NEK11: variants seen among roughly 807,000 people sequenced by gnomAD.
NEK11 encodes the protein serine/threonine-protein kinase Nek11.
NEK11 carries 72 observed loss-of-function variants against 80.7 expected under a neutral mutation model. That is an observed-to-expected ratio of 0.89 (90% CI 0.74 to 1.08). NEK11 has a LOEUF of 1.08. Ranked by LOEUF, NEK11 falls within the 50% of genes least tolerant of loss-of-function variation. The probability of loss-of-function intolerance (pLI) is 0.00; values close to 1 mark genes in which losing one functional copy is unlikely to be tolerated. For synonymous variants in NEK11, 251 were observed against 260.7 expected (o/e 0.96, Z 0.36); for missense variants, 764 against 763.6 (o/e 1.00, Z -0.01).
chr3:131,028,137 CGT>C (rs1243481777), intron 2 of NEK11, 135 bp downstream of exon 2: 1 of 152,068 alleles, frequency 6.6e-6, no homozygotes. Flanking sequence ...ATTTTACTAA[CGT>C]GTCTTTGGAA....
chr3:131,133,545 G>A (rs1206969109), intron 6 of NEK11, among the ~76,000 whole-genome samples: 1 of 152,024 alleles, frequency 6.6e-6, no homozygotes, highest in Non-Finnish European at 1.5e-5. Flanking sequence ...ACTTTAAATA[G>A]CTTTTTATAT....
At chr3:131,097,183 T>A (rs1416279171) in intron 4 of NEK11, among the ~76,000 whole-genome samples, 1 of 151,886 alleles carries the variant, frequency 6.6e-6, no homozygotes, top group Admixed American at 6.6e-5. Flanking sequence ...TGAATAGGGC[T>A]GCAATAAACA....
chr3:131,104,703 G>A (rs1281747507), intron 4 of NEK11, among the ~76,000 whole-genome samples: 1 of 152,168 alleles, frequency 6.6e-6, no homozygotes, highest in Non-Finnish European at 1.5e-5. Flanking sequence ...TCCTTTGTTT[G>A]TAGGGCTATG....
intron 16 of NEK11, among the ~76,000 whole-genome samples, chr3:131,248,838 A>G (rs988239772): frequency 7.2e-5 from 11 of 152,162 alleles, no homozygotes; most frequent in African/African-American, 2.4e-4. Context: ...GAGAAATTAG[A>G]TGCAGACCCT....
intron 3 of NEK11, among the ~76,000 whole-genome samples, chr3:131,058,577 T>G (rs1285193409): frequency 6.6e-6 from 1 of 152,172 alleles, no homozygotes; most frequent in Non-Finnish European, 1.5e-5. Flanking sequence ...AGATACTGCA[T>G]GTCATTGTAT....
At chr3:131,071,560 G>C (rs2073301682) in intron 3 of NEK11, among the ~76,000 whole-genome samples, 1 of 151,842 alleles carries the variant, frequency 6.6e-6, no homozygotes, top group Non-Finnish European at 1.5e-5. Context: ...GATAACACTG[G>C]TGGAATTTTA....
chr3:131,257,291 C>T (rs2095834281), intron 16 of NEK11, among the ~76,000 whole-genome samples: 1 of 151,950 alleles, frequency 6.6e-6, no homozygotes, highest in African/African-American at 2.4e-5. Flanking sequence ...CTACCATGTC[C>T]AGCCAAATTC....
Position 131,191,474 on chromosome 3 carries a change from G to A in NEK11, c.1399+20587G>A, listed in dbSNP as rs575051477. Reference sequence around the variant, plus strand: ...TCTGGTTCTCCCTCTTCTGTGCTGTGCCCTCTTCTATTTTTAAGGACTCTT... The same window carrying A: ...TCTGGTTCTCCCTCTTCTGTGCTGTACCCTCTTCTATTTTTAAGGACTCTT... On this transcript the variant is annotated intron_variant, in intron 14 of 17. Transcript: ENST00000383366. Among the ~76,000 whole-genome samples, 26 of 152,206 alleles carry A rather than the reference G, an allele frequency of 1.7e-4. 1 individual carries two copies. Among genetic ancestry groups the A allele is most frequent in the African/African-American group, 6.3e-4 (26 of 41,542 alleles).
chr3:131,189,442 A>G (rs775078443), intron 14 of NEK11, among the ~76,000 whole-genome samples: 9 of 152,104 alleles, frequency 5.9e-5, no homozygotes, highest in Non-Finnish European at 7.4e-5. Context: ...GCAAGGGCCT[A>G]TTTTCTGGTT....
At chr3:131,313,029 A>G (rs762352126) in intron 17 of NEK11, among the ~76,000 whole-genome samples, 10 of 151,990 alleles carry the variant, frequency 6.6e-5, no homozygotes, top group African/African-American at 2.4e-4. Context: ...CTTTGGGTCC[A>G]TGTGTTCTCA....
In NEK11 at chr3:131,228,598, T is replaced by C; in HGVS notation, c.1470T>C (p.Ser490=). Residue 490 remains serine, a synonymous_variant, in exon 15 of 18, where the codon AGT becomes AGC. Transcript: ENST00000383366. The part of the protein sequence containing the change: ...ADAFDSYCEE[S]DEEEEEIALE... The stretch of plus-strand genomic sequence containing the variant: ...CATTTGATTCCTATTGTGAAGAGAG[T>C]GATGAGGAGGAAGAAGAAATAGCGT... 3.1e-6 allele frequency: 5 copies of C among 1,612,882 alleles called. No homozygotes were observed. The highest frequency in any genetic ancestry group is 1.7e-6 in the Non-Finnish European group (2 of 1,179,474).
intron 14 of NEK11, among the ~76,000 whole-genome samples, chr3:131,219,206 T>C (rs914588921): frequency 6.6e-6 from 1 of 152,186 alleles, no homozygotes; most frequent in African/African-American, 2.4e-5. Flanking sequence ...TGGAATACTA[T>C]GCAGCCATAA....
At chr3:131,137,224 T>C (rs1024311312) in intron 7 of NEK11, among the ~76,000 whole-genome samples, 5 of 152,124 alleles carry the variant, frequency 3.3e-5, no homozygotes, top group African/African-American at 1.2e-4. Flanking sequence ...GGGGCAGAAG[T>C]GTCATGCAAG....
intron 3 of NEK11, among the ~76,000 whole-genome samples, chr3:131,059,520 A>C (rs186105945): frequency 5.3e-5 from 8 of 152,338 alleles, no homozygotes; most frequent in Admixed American, 3.3e-4. Context: ...TCAGAGGCAC[A>C]CCATTCATTG....
rs577555098 is a variant in NEK11, at chr3:131,298,937, T to C, written c.1718+25363T>C. On this transcript the variant is annotated intron_variant, in intron 17 of 17. Coordinates refer to ENST00000383366, the MANE Select transcript of NEK11 (RefSeq NM_024800.5). ...AGATATTCTCTTCTGTTTTTTTTTT[T>C]TTTTCAGTCTGTGTTCTCTTTGTTT... Among the ~76,000 whole-genome samples, 8 of 152,146 alleles carry C rather than the reference T, an allele frequency of 5.3e-5. No individual in the cohort carries two copies. The East Asian group carries it at 9.6e-4, about 18-fold the overall frequency.
At chr3:131,106,197 G>A (rs2079150727) in intron 4 of NEK11, among the ~76,000 whole-genome samples, 2 of 151,358 alleles carry the variant, frequency 1.3e-5, no homozygotes, top group Non-Finnish European at 2.9e-5. Context: ...ATGTGGCACA[G>A]AACATTTATT....
At chr3:131,130,946 C>A (rs2084336657) in intron 5 of NEK11, among the ~76,000 whole-genome samples, 1 of 152,102 alleles carries the variant, frequency 6.6e-6, no homozygotes, top group Non-Finnish European at 1.5e-5. Flanking sequence ...GGATTACAGG[C>A]CCCTGCCACC....
At chr3:131,233,356 G>A (rs1286111796) in intron 15 of NEK11, among the ~76,000 whole-genome samples, 5 of 152,178 alleles carry the variant, frequency 3.3e-5, no homozygotes, top group Non-Finnish European at 5.9e-5. Context: ...TGTTGTAGCC[G>A]AGGGCTGTCA....
intron 17 of NEK11, chr3:131,325,537 T>A (rs958885180): frequency 7.2e-5 from 11 of 152,194 alleles, no homozygotes; most frequent in African/African-American, 2.7e-4. Flanking sequence ...TAGATATATA[T>A]GTATTCACTG....
Sources: allele counts gnomAD v4.1 joint callset (sites outside exome capture counted in the v4.1 genomes callset), GRCh38; gene constraint gnomAD v4.1.1; transcripts MANE v1.5; gene names NCBI Gene and HGNC (gene_info 2026-07-23, HGNC 2026-07-21).